The following ARID1B variants were observed in gnomAD, a reference collection of about 807,000 sequenced individuals.
The protein encoded by ARID1B is AT-rich interaction domain 1B, also known as AT-rich interactive domain-containing protein 1B.
In ARID1B, 30 loss-of-function variants were observed where a neutral mutation model predicts 212.3. The ratio of observed to expected loss-of-function variants is 0.14; its 90% CI spans 0.11 to 0.19. The LOEUF (loss-of-function observed/expected upper bound fraction) is 0.19, where lower values mean the gene tolerates loss of function less well. ARID1B is among the 10% of genes least tolerant of loss of function. The pLI is 1.00. For synonymous variants in ARID1B, 1,402 were observed against 1,301.7 expected (o/e 1.08, Z -1.66); for missense variants, 2,891 against 3,204.0 (o/e 0.90, Z 2.36).
At chr6:157,110,373 G>A (rs1344086934) in intron 5 of ARID1B, 99 bp from the exon 6 acceptor site, 10 of 1,005,856 alleles carry the variant, frequency 9.9e-6, no homozygotes, top group Non-Finnish European at 1.6e-6. Context: ...TACCTTTTGT[G>A]ATCATAAAAA....
At chr6:157,037,892 A>G (rs1387975131) in intron 4 of ARID1B, among the ~76,000 whole-genome samples, 1 of 152,198 alleles carries the variant, frequency 6.6e-6, no homozygotes, top group Non-Finnish European at 1.5e-5. Flanking sequence ...GAGTAGGAAA[A>G]GAGGAGCTCA....
intron 18 of ARID1B, among the ~76,000 whole-genome samples, chr6:157,202,688 A>ATCTATT (rs1554236336): frequency 4.0e-5 from 6 of 151,152 alleles, no homozygotes; most frequent in Non-Finnish European, 8.8e-5. Flanking sequence ...ATATATATCT[A>ATCTATT]TCCATTTATA....
chr6:157,090,119 A>C (rs1785186879), intron 5 of ARID1B, among the ~76,000 whole-genome samples: 1 of 152,374 alleles, frequency 6.6e-6, no homozygotes. Context: ...CCAGTTTACT[A>C]ACAAAGCAAA....
At chr6:156,839,970 C>T (rs1282901945) in intron 2 of ARID1B, among the ~76,000 whole-genome samples, 1 of 152,214 alleles carries the variant, frequency 6.6e-6, no homozygotes, top group South Asian at 2.1e-4. Context: ...AATTTGAGTT[C>T]GGATTTCTAA....
chr6:157,040,819 A>G (rs1489211817), intron 4 of ARID1B, among the ~76,000 whole-genome samples: 1 of 152,224 alleles, frequency 6.6e-6, no homozygotes, highest in Non-Finnish European at 1.5e-5. Context: ...TGTTAGGCTT[A>G]TCTCATTTAA....
At chr6:156,956,900 G>A (rs1322002591) in intron 4 of ARID1B, among the ~76,000 whole-genome samples, 1 of 152,182 alleles carries the variant, frequency 6.6e-6, no homozygotes, top group Non-Finnish European at 1.5e-5. Context: ...TGTGGCTAGT[G>A]CCGACCATAC....
intron 1 of ARID1B, among the ~76,000 whole-genome samples, chr6:156,816,223 A>G (rs1264420744): frequency 1.3e-5 from 2 of 152,242 alleles, no homozygotes; most frequent in African/African-American, 4.8e-5. Context: ...CAGCAGTCAC[A>G]TACCAAACAT....
At position 157,201,383 on chromosome 6, in the gene ARID1B, C is replaced by T. The variant is rs2128376434; in HGVS notation, c.5158C>T (p.Pro1720Ser). 6.2e-7 allele frequency: 1 copy of T among 1,603,258 alleles called. No homozygotes were observed. The highest frequency in any genetic ancestry group is 1.1e-5 in the South Asian group (1 of 89,810). Reference sequence around the variant, plus strand: ...CACATCCCAGGTCACCGGGCCACCACCCCAACCACCCCCAATCAGAAGGGA... The same window carrying T: ...CACATCCCAGGTCACCGGGCCACCATCCCAACCACCCCCAATCAGAAGGGA... Reference protein sequence around the residue: ...VPTSQVTGPPPQPPPIRREIT... With the variant: ...VPTSQVTGPPSQPPPIRREIT... Residue 1720 changes from proline to serine, a missense_variant, in exon 18 of 20, where the codon CCC becomes TCC. Coordinates refer to ENST00000636930, the MANE Select transcript of ARID1B (RefSeq NM_001374828.1). This position sits in a 1 kb window ranked among gnomAD's most constrained non-coding sequence, Gnocchi z 5.2.
chr6:157,061,349 T>C (rs1229178659), intron 4 of ARID1B, among the ~76,000 whole-genome samples: 7 of 152,214 alleles, frequency 4.6e-5, no homozygotes, highest in Non-Finnish European at 8.8e-5. Flanking sequence ...ACATTACTTA[T>C]CTGCAGCACT....
At chr6:156,926,238 T>C (rs1448170084) in intron 3 of ARID1B, among the ~76,000 whole-genome samples, 1 of 152,200 alleles carries the variant, frequency 6.6e-6, no homozygotes, top group Non-Finnish European at 1.5e-5. Context: ...GGTTTTACTT[T>C]GGGAACCTAG....
chr6:157,033,553 T>G (rs557595307), intron 4 of ARID1B, among the ~76,000 whole-genome samples: 1 of 152,324 alleles, frequency 6.6e-6, no homozygotes, highest in South Asian at 2.1e-4. Context: ...ACTTCCAAAT[T>G]CAGGAATTCT....
chr6:156,894,087 G>A (rs773466016), intron 2 of ARID1B, among the ~76,000 whole-genome samples: 2 of 152,038 alleles, frequency 1.3e-5, no homozygotes, highest in Non-Finnish European at 2.9e-5. Flanking sequence ...TATACATTCC[G>A]TGGCCTTAAA....
chr6:156,878,943 TGTA>T lies in ARID1B; in HGVS notation c.1987-22430_1987-22428del, dbSNP rs541751934. Among the ~76,000 whole-genome samples the T allele has an allele frequency of 3.3e-5, 5 of 152,306 alleles. No individual in the cohort carries two copies. The South Asian group carries it at 1.0e-3, about 32-fold the overall frequency. On this transcript the variant is annotated intron_variant, in intron 2 of 19. Transcript: ENST00000636930. ...TCATTGAGTGAGGTGGAGGAAGTAT[TGTA>T]GTGCCATTTTGTAAGGAGGAGGTAA...
intron 4 of ARID1B, among the ~76,000 whole-genome samples, chr6:157,081,360 G>T (rs2088376915): frequency 6.6e-6 from 1 of 152,172 alleles, no homozygotes; most frequent in South Asian, 2.1e-4. Context: ...TGTTAACTAG[G>T]CTGAATACTT....
chr6:157,179,428 AT>A (rs1792351408), intron 11 of ARID1B, among the ~76,000 whole-genome samples: 1 of 152,166 alleles, frequency 6.6e-6, no homozygotes, highest in Non-Finnish European at 1.5e-5. Context: ...TTATTTGGAT[AT>A]ATAGTTTCTA....
chr6:157,090,659 C>G (rs995229401), intron 5 of ARID1B, among the ~76,000 whole-genome samples: 6 of 152,188 alleles, frequency 3.9e-5, no homozygotes, highest in African/African-American at 1.4e-4. Flanking sequence ...AAAGTAGAAC[C>G]CTTTTTCTTT....
chr6:156,779,288 C>G lies in ARID1B; in HGVS notation c.1608C>G (p.Pro536=), dbSNP rs1238453452. The G allele has an allele frequency of 8.8e-7, 1 of 1,138,078 alleles. No individual in the cohort carries two copies. The highest frequency in any genetic ancestry group is 1.1e-6 in the Non-Finnish European group (1 of 930,750). 70.5% of individuals were successfully genotyped at this position (1,138,078 alleles called of 1,614,324 possible). Reference sequence around the variant, plus strand: ...CGCCGCCGCCGCCGCCGTCGCAGCCCCAGTCCCAGGCGGCGGCGGCGGGGG... The same window carrying G: ...CGCCGCCGCCGCCGCCGTCGCAGCCGCAGTCCCAGGCGGCGGCGGCGGGGG... The part of the protein sequence containing the change: ...PSAPPPPPSQ[P]QSQAAAAGAA... Residue 536 remains proline (P), a synonymous_variant, in exon 1 of 20, where the codon CCC becomes CCG. Coordinates refer to ENST00000636930, the MANE Select transcript of ARID1B (RefSeq NM_001374828.1).
intron 4 of ARID1B, among the ~76,000 whole-genome samples, chr6:156,989,047 C>G (rs11751855): frequency 1.3e-5 from 2 of 152,212 alleles, no homozygotes; most frequent in South Asian, 4.1e-4. Flanking sequence ...TTCTTGTGTT[C>G]TGCCATCCTG....
At chr6:156,935,663 TATGAC>T in intron 4 of ARID1B, 87 bp downstream of exon 4, 3 of 1,197,396 alleles carry the variant, frequency 2.5e-6, no homozygotes, top group Non-Finnish European at 3.6e-6. Flanking sequence ...TACTTTATAT[TATGAC>T]ATGATTGAGA....
Sources: gnomAD v4.1 joint callset for allele counts (sites outside exome capture counted in the v4.1 genomes callset) on GRCh38, gnomAD v4.1.1 for gene constraint, Gnocchi (gnomAD v3.1) non-coding constraint, MANE v1.5 for transcripts, NCBI Gene and HGNC (gene_info 2026-07-23, HGNC 2026-07-21) for gene names.